Variants in MEIS2 observed in about 807,000 individuals in gnomAD.
MEIS2 encodes Meis homeobox 2.
Under a neutral mutation model 58.6 loss-of-function variants are expected in MEIS2, and 9 were observed. The ratio of observed to expected loss-of-function variants is 0.15; its 90% CI spans 0.09 to 0.27. MEIS2 has a LOEUF of 0.27. Ranked by LOEUF, MEIS2 falls within the 10% of genes least tolerant of loss-of-function variation. The pLI is 1.00. For missense variants in MEIS2, 427 were observed against 635.0 expected (o/e 0.67, Z 3.52); for synonymous variants, 221 against 228.4 (o/e 0.97, Z 0.29).
At chr15:36,938,247 A>G (rs1458080269) in intron 9 of MEIS2, among the ~76,000 whole-genome samples, 1 of 152,116 alleles carries the variant, frequency 6.6e-6, no homozygotes, top group Non-Finnish European at 1.5e-5. Context: ...AATAACATCT[A>G]TACCCTCAGA....
intron 9 of MEIS2, among the ~76,000 whole-genome samples, chr15:36,902,556 C>G (rs2141242297): frequency 6.6e-6 from 1 of 152,320 alleles, no homozygotes; most frequent in African/African-American, 2.4e-5. Context: ...ACATTACCGT[C>G]CCCATTCCTG....
chr15:37,001,325 C>G (rs2060719357), intron 8 of MEIS2, among the ~76,000 whole-genome samples: 1 of 152,124 alleles, frequency 6.6e-6, no homozygotes, highest in Admixed American at 6.5e-5. Flanking sequence ...CAGCTACTAC[C>G]TTGGACCCTT....
intron 8 of MEIS2, among the ~76,000 whole-genome samples, chr15:36,961,920 T>C (rs2059196247): frequency 6.6e-6 from 1 of 152,250 alleles, no homozygotes; most frequent in Non-Finnish European, 1.5e-5. Flanking sequence ...TATATCTTTA[T>C]ATTCTTAGAA....
chr15:37,026,015 T>C (rs2061688879), intron 8 of MEIS2, among the ~76,000 whole-genome samples: 1 of 152,096 alleles, frequency 6.6e-6, no homozygotes, highest in African/African-American at 2.4e-5. Flanking sequence ...TGAATAATAA[T>C]GACCCCATGT....
chr15:36,998,440 C>CA (rs922920330), intron 8 of MEIS2, among the ~76,000 whole-genome samples: 5 of 151,828 alleles, frequency 3.3e-5, no homozygotes, highest in Admixed American at 3.3e-4. Flanking sequence ...AGGCTGGTCT[C>CA]AAACTCATGG....
rs191273300 is a variant in MEIS2, at chr15:36,987,214, C to T, written c.901-36814G>A. On this transcript the variant is annotated intron_variant, in intron 8 of 11. Transcript: ENST00000561208. ...CTCAAATCCAGGAGTTTGAGATGAG[C>T]CTGGGCAACATGGCAAAACCCTGTC... Among the ~76,000 whole-genome samples the T allele has an allele frequency of 6.6e-5, 10 of 151,848 alleles. No homozygotes were observed. In the East Asian group the frequency reaches 1.2e-3, roughly 18 times the overall value.
At chr15:36,898,942 C>T (rs1036758241) in intron 9 of MEIS2, among the ~76,000 whole-genome samples, 6 of 152,198 alleles carry the variant, frequency 3.9e-5, no homozygotes, top group African/African-American at 1.4e-4. Context: ...GTTACCATGG[C>T]ATGGACTGGA....
At chr15:37,095,257 CAG>C (rs1389172714) in intron 4 of MEIS2, among the ~76,000 whole-genome samples, 1 of 145,734 alleles carries the variant, frequency 6.9e-6, no homozygotes, top group East Asian at 2.2e-4. Context: ...CCCCGGCAAA[CAG>C]AGGAAATAAC....
intron 9 of MEIS2, among the ~76,000 whole-genome samples, chr15:36,948,744 G>C (rs909710650): frequency 6.6e-6 from 1 of 151,912 alleles, no homozygotes. Flanking sequence ...CTGATAACTT[G>C]TGCTAGGAAC....
chr15:37,089,184 G>A (rs749894578), intron 6 of MEIS2, among the ~76,000 whole-genome samples: 7 of 152,052 alleles, frequency 4.6e-5, no homozygotes, highest in Non-Finnish European at 7.4e-5. Context: ...GGCCCCAGAG[G>A]CTTTGAATAG....
chr15:36,942,725 TA>T (rs1433066811), intron 9 of MEIS2, among the ~76,000 whole-genome samples: 1 of 151,970 alleles, frequency 6.6e-6, no homozygotes, highest in Non-Finnish European at 1.5e-5. Flanking sequence ...GGAAAGAACT[TA>T]AAGACTACTC....
intron 9 of MEIS2, among the ~76,000 whole-genome samples, chr15:36,935,245 T>G (rs2058123452): frequency 6.6e-6 from 1 of 151,910 alleles, no homozygotes; most frequent in African/African-American, 2.4e-5. Flanking sequence ...AATCTAGGTA[T>G]GTGCCTATGA....
intron 8 of MEIS2, among the ~76,000 whole-genome samples, chr15:36,981,908 T>C (rs542765265): frequency 5.3e-5 from 8 of 152,216 alleles, no homozygotes; most frequent in African/African-American, 1.9e-4. Context: ...TGCTGATTCT[T>C]GGGCCTTCAA....
At position 37,006,634 on chromosome 15, in the gene MEIS2, TTTTTTCCTCAAAAATC is replaced by T. The variant is rs556306913; in HGVS notation, c.900+30164_900+30179del. ...ATCACTAGGGCTAGTGCCAATGAAA[TTTTTTCCTCAAAAATC>T]TTCCCTCTTACAACTGACGTAGCTC... On this transcript the variant is annotated intron_variant, in intron 8 of 11. Coordinates refer to ENST00000561208, the MANE Select transcript of MEIS2 (RefSeq NM_170675.5). Among the ~76,000 whole-genome samples, 304 of 152,332 alleles carry T rather than the reference TTTTTTCCTCAAAAATC, an allele frequency of 2.0e-3. 3 individuals are homozygous for T. Among genetic ancestry groups the T allele is most frequent in the East Asian group, 8.3e-3 (43 of 5,186 alleles).
At chr15:37,073,595 T>A (rs1264444296) in intron 7 of MEIS2, among the ~76,000 whole-genome samples, 1 of 152,066 alleles carries the variant, frequency 6.6e-6, no homozygotes, top group African/African-American at 2.4e-5. Flanking sequence ...CATCTACACA[T>A]CAGCCCCAGT....
At position 36,945,686 on chromosome 15, in the gene MEIS2, T is replaced by A. The variant is rs116672700; in HGVS notation, c.977+4638A>T. ...GAAGTCATACAAAGTGGGTGTTGAT[T>A]ATTAAAAGCTGTTAGACGTAGAATG... On this transcript the variant is annotated intron_variant, in intron 9 of 11. Coordinates refer to ENST00000561208, the MANE Select transcript of MEIS2 (RefSeq NM_170675.5). 1.8e-3 allele frequency among the ~76,000 whole-genome samples: 279 copies of A among 152,160 alleles called. 2 individuals are homozygous for A. The highest frequency in any genetic ancestry group is 6.5e-3 in the African/African-American group (269 of 41,552).
intron 6 of MEIS2, among the ~76,000 whole-genome samples, chr15:37,084,118 T>C (rs979060231): frequency 6.6e-6 from 1 of 152,196 alleles, no homozygotes; most frequent in African/African-American, 2.4e-5. Flanking sequence ...ATATGTTGGT[T>C]AAAACTAATT....
chr15:37,018,270 A>G (rs1289757256), intron 8 of MEIS2, among the ~76,000 whole-genome samples: 12 of 152,208 alleles, frequency 7.9e-5, no homozygotes, highest in Admixed American at 6.5e-4. Context: ...ATAGAGAGCA[A>G]TAAGAAACAA....
chr15:37,080,165 C>A (rs1567270288), intron 7 of MEIS2, among the ~76,000 whole-genome samples: 1 of 152,108 alleles, frequency 6.6e-6, no homozygotes, highest in African/African-American at 2.4e-5. Flanking sequence ...ATTGGCACAT[C>A]AAAATATTGA....
Sources: allele counts gnomAD v4.1 joint callset (sites outside exome capture counted in the v4.1 genomes callset), GRCh38; gene constraint gnomAD v4.1.1; transcripts MANE v1.5; gene names NCBI Gene and HGNC (gene_info 2026-07-23, HGNC 2026-07-21).